Variants in PAPSS2 observed in about 807,000 individuals in gnomAD.
PAPSS2 encodes the protein 3'-phosphoadenosine 5'-phosphosulfate synthase 2.
Under a neutral mutation model 66.5 loss-of-function variants are expected in PAPSS2, and 61 were observed. The observed-to-expected ratio is 0.92, with a 90% CI of 0.75 to 1.14. The LOEUF (loss-of-function observed/expected upper bound fraction) is 1.14, where lower values mean the gene tolerates loss of function less well. Among genes scored for constraint, PAPSS2 ranks in the 50% most tolerant of loss-of-function variants. PAPSS2 has a pLI of 0.00. For missense variants in PAPSS2, 708 were observed against 789.6 expected, an observed-to-expected ratio of 0.90 and a Z score of 1.24; for synonymous variants, 289 against 287.5, an observed-to-expected ratio of 1.01 and a Z score of -0.05.
chr10:87,736,076 GTTT>G (rs1398052914), intron 9 of PAPSS2, among the ~76,000 whole-genome samples: 2 of 152,144 alleles, frequency 1.3e-5, no homozygotes, highest in Non-Finnish European at 2.9e-5. Context: ...GGTACTTGGG[GTTT>G]GATTAGGGGG....
At chr10:87,708,523 A>T (rs1033691524) in intron 1 of PAPSS2, among the ~76,000 whole-genome samples, 1 of 152,026 alleles carries the variant, frequency 6.6e-6, no homozygotes, top group African/African-American at 2.4e-5. Flanking sequence ...CCACCCTAGT[A>T]TTTCCTCAGC....
intron 1 of PAPSS2, among the ~76,000 whole-genome samples, chr10:87,667,792 AAC>A (rs1220518216): frequency 6.6e-6 from 1 of 152,242 alleles, no homozygotes; most frequent in Non-Finnish European, 1.5e-5. Context: ...GATTTTTTAA[AAC>A]AGTTACATAA....
intron 9 of PAPSS2, among the ~76,000 whole-genome samples, chr10:87,728,750 A>AG (rs398114604): frequency 6.8e-6 from 1 of 147,980 alleles, no homozygotes; most frequent in African/African-American, 2.5e-5. Flanking sequence ...GAAAAAAAAA[A>AG]GAGAGGCCAG....
At chr10:87,701,627 G>A (rs772961301) in intron 1 of PAPSS2, among the ~76,000 whole-genome samples, 1 of 151,820 alleles carries the variant, frequency 6.6e-6, no homozygotes, top group Non-Finnish European at 1.5e-5. Context: ...ATCTCACTAC[G>A]TTCCCCAGGC....
chr10:87,701,382 TTC>T (rs1233950865), intron 1 of PAPSS2, among the ~76,000 whole-genome samples: 1 of 89,820 alleles, frequency 1.1e-5, no homozygotes, highest in African/African-American at 5.6e-5. Context: ...CTTTCTTTCT[TTC>T]TTTCTTTCTT....
chr10:87,717,652 T>C (rs1853548464), intron 7 of PAPSS2, among the ~76,000 whole-genome samples: 1 of 152,098 alleles, frequency 6.6e-6, no homozygotes, highest in Non-Finnish European at 1.5e-5. Flanking sequence ...AGCCTTGAAC[T>C]CCTGAATTCA....
At chr10:87,705,887 C>T (rs1853376914) in intron 1 of PAPSS2, among the ~76,000 whole-genome samples, 1 of 150,984 alleles carries the variant, frequency 6.6e-6, no homozygotes, top group African/African-American at 2.4e-5. Context: ...GCAAGTGCCA[C>T]CACGCCCAGC....
At chr10:87,704,242 T>G (rs1853354089) in intron 1 of PAPSS2, among the ~76,000 whole-genome samples, 1 of 152,182 alleles carries the variant, frequency 6.6e-6, no homozygotes, top group Non-Finnish European at 1.5e-5. Flanking sequence ...TAATAGAAAA[T>G]TTAAATGCAG....
intron 1 of PAPSS2, chr10:87,660,371 C>G (rs913784192): frequency 1.2e-5 from 5 of 414,480 alleles, no homozygotes; most frequent in African/African-American, 1.0e-4. Context: ...TCTGTAGGGT[C>G]TCGGAGCAGA....
At chr10:87,713,647 G>A (rs992767285) in intron 3 of PAPSS2, among the ~76,000 whole-genome samples, 2 of 152,190 alleles carry the variant, frequency 1.3e-5, no homozygotes, top group African/African-American at 4.8e-5. Context: ...TCGGAAAAAG[G>A]ATCTAGTTAA....
chr10:87,659,883 CTG>C lies in PAPSS2; in HGVS notation c.-98_-97del, dbSNP rs1852724459. 4.0e-6 allele frequency: 4 copies of C among 993,782 alleles called. No homozygotes were observed. The African/African-American group carries it at 4.9e-5, about 12-fold the overall frequency. The allele number at this position is 993,782 out of a possible 1,614,324, so 61.6% of individuals were successfully genotyped here. ...CTCCTTCCCGGGAGTCCGGCAGCCG[CTG>C]CTGCTGCTGCTGCTGCTGCTGCCGC... On this transcript the variant is annotated 5_prime_UTR_variant, in exon 1 of 13. Coordinates refer to ENST00000456849, the MANE Select transcript of PAPSS2 (RefSeq NM_001015880.2).
intron 7 of PAPSS2, among the ~76,000 whole-genome samples, chr10:87,720,698 C>T (rs1731767613): frequency 6.6e-6 from 1 of 151,680 alleles, no homozygotes. Context: ...TATATTTTCC[C>T]CTAAATTTAA....
chr10:87,704,065 C>T (rs756846070), intron 1 of PAPSS2: 2 of 490,348 alleles, frequency 4.1e-6, no homozygotes, highest in South Asian at 3.0e-5. Context: ...ACTCTGCCCC[C>T]TTGCAGTTCA....
rs759530933 is a variant in PAPSS2, at chr10:87,745,907, C to T, written c.1797C>T (p.Gly599=). 1.7e-5 allele frequency: 27 copies of T among 1,613,892 alleles called. No homozygotes were observed. The highest frequency in any genetic ancestry group is 1.9e-5 in the Non-Finnish European group (22 of 1,179,874). ...GGGAAGGAGAGAATCCCCCAGATGG[C>T]TTCATGGCCCCCAAAGCATGGAAGG... The part of the protein sequence containing the change: ...LAREGENPPD[G]FMAPKAWKVL... The change falls in exon 13 of 13, where the codon GGC becomes GGT. Residue 599 remains glycine, a synonymous_variant. Coordinates refer to ENST00000456849, the MANE Select transcript of PAPSS2 (RefSeq NM_001015880.2).
At chr10:87,707,951 G>A (rs534952260) in intron 1 of PAPSS2, among the ~76,000 whole-genome samples, 6 of 152,244 alleles carry the variant, frequency 3.9e-5, no homozygotes, top group African/African-American at 1.4e-4. Flanking sequence ...TATTTAAAAG[G>A]CTCATAGATT....
rs1201686491 is a variant in PAPSS2 at position 87,741,330 on chromosome 10, A to G, written c.1182A>G (p.Thr394=). The G allele has an allele frequency of 6.2e-7, 1 of 1,613,866 alleles. No homozygotes were observed. Among genetic ancestry groups the G allele is most frequent in the Admixed American group, 1.7e-5 (1 of 60,016 alleles). Reference sequence around the variant, plus strand: ...ATGGGCTGGACCAATACCGTCTGACACCTCTGGAGCTCAAACAGAAATGTA... The same window carrying G: ...ATGGGCTGGACCAATACCGTCTGACGCCTCTGGAGCTCAAACAGAAATGTA... ...WNDGLDQYRL[T]PLELKQKCKE... Residue 394 remains threonine, a synonymous_variant, in exon 10 of 13, where the codon ACA becomes ACG. Coordinates refer to ENST00000456849, the MANE Select transcript of PAPSS2 (RefSeq NM_001015880.2).
At chr10:87,666,434 G>A (rs576244384) in intron 1 of PAPSS2, among the ~76,000 whole-genome samples, 19 of 152,200 alleles carry the variant, frequency 1.2e-4, no homozygotes, top group Non-Finnish European at 2.4e-4. Flanking sequence ...GACCTGTGTC[G>A]CTGTCATAAA....
rs567695712 is a variant in PAPSS2, at chr10:87,692,452, G to A, written c.28-16744G>A. On this transcript the variant is annotated intron_variant, in intron 1 of 12. Transcript: ENST00000456849. ...ATCCCTGACCCTAAAGAGAGATGGA[G>A]GAAGAGAGGAATATGGCAAGGAGTC... Among the ~76,000 whole-genome samples the A allele has an allele frequency of 9.2e-5, 14 of 152,272 alleles. No individual in the cohort carries two copies. The South Asian group carries it at 2.3e-3, about 25-fold the overall frequency.
intron 1 of PAPSS2, among the ~76,000 whole-genome samples, chr10:87,683,241 C>T (rs1048713779): frequency 2.0e-5 from 3 of 151,728 alleles, no homozygotes; most frequent in African/African-American, 7.3e-5. Context: ...TGCAGGTGTG[C>T]ACCACCTCAC....
Sources: gnomAD v4.1 joint callset for allele counts (sites outside exome capture counted in the v4.1 genomes callset) on GRCh38, gnomAD v4.1.1 for gene constraint, MANE v1.5 for transcripts, NCBI Gene and HGNC (gene_info 2026-07-23, HGNC 2026-07-21) for gene names.